ANKFY1: variants seen among roughly 807,000 people sequenced by gnomAD.
The protein encoded by ANKFY1 is ankyrin repeat and FYVE domain containing 1.
ANKFY1 carries 47 observed loss-of-function variants against 128.3 expected under a neutral mutation model. The ratio of observed to expected loss-of-function variants is 0.37; its 90% CI spans 0.29 to 0.47. ANKFY1 has a LOEUF of 0.47. ANKFY1 is among the 20% of genes least tolerant of loss of function. The pLI is 1.00. For synonymous variants in ANKFY1, 553 were observed against 601.6 expected (o/e 0.92, Z 1.18); for missense variants, 1,222 against 1,510.6 (o/e 0.81, Z 3.17).
At chr17:4,198,116 C>T (rs966186548) in intron 7 of ANKFY1, among the ~76,000 whole-genome samples, 54 of 147,822 alleles carry the variant, frequency 3.7e-4, no homozygotes, top group African/African-American at 1.3e-3. Flanking sequence ...GGATTAAGAG[C>T]AAAACTCCGT....
At chr17:4,195,991 C>CA (rs1567932432) in intron 8 of ANKFY1, among the ~76,000 whole-genome samples, 10 of 133,054 alleles carry the variant, frequency 7.5e-5, no homozygotes, top group African/African-American at 2.6e-4. Flanking sequence ...ACACACACAC[C>CA]CCCGAGTCAG....
At position 4,178,614 on chromosome 17, in the gene ANKFY1, T is replaced by G; in HGVS notation, c.2598+243A>C. Reference sequence around the variant, plus strand: ...TGTACATGCCACAGAATTCCTACGATGGAGCCCACTGCCTCCGCTTCCATC... The same window carrying G: ...TGTACATGCCACAGAATTCCTACGAGGGAGCCCACTGCCTCCGCTTCCATC... On this transcript the variant is annotated intron_variant, in intron 18 of 24. Transcript: ENST00000341657. The surrounding 1 kb of genome is among the most constrained non-coding windows in gnomAD (Gnocchi z 4.1). 1.8e-6 allele frequency: 1 copy of G among 560,862 alleles called. No homozygotes were observed. Among genetic ancestry groups the G allele is most frequent in the Non-Finnish European group, 3.2e-6 (1 of 311,852 alleles). The allele number at this position is 560,862 out of a possible 1,614,324, so 34.7% of individuals were successfully genotyped here. A position where few individuals can be genotyped will look rare whatever the true frequency, so the allele number is the denominator to read the frequency against.
At chr17:4,184,700 G>C in intron 12 of ANKFY1, 118 bp downstream of exon 12, 2 of 1,100,152 alleles carry the variant, frequency 1.8e-6, no homozygotes, top group East Asian at 5.0e-5. Flanking sequence ...AGGATTTTTT[G>C]GGGGTAAGAA....
intron 8 of ANKFY1, 76 bp downstream of exon 8, chr17:4,197,297 G>T: frequency 1.3e-6 from 2 of 1,487,622 alleles, no homozygotes; most frequent in Non-Finnish European, 1.9e-6. Flanking sequence ...TGAACTCCCC[G>T]TATGCCAATT....
intron 7 of ANKFY1, among the ~76,000 whole-genome samples, chr17:4,205,570 G>T (rs1255609199): frequency 6.6e-6 from 1 of 152,002 alleles, no homozygotes; most frequent in African/African-American, 2.4e-5. Flanking sequence ...GTGACACCCC[G>T]TCTCTACTAA....
intron 22 of ANKFY1, among the ~76,000 whole-genome samples, chr17:4,171,156 G>A (rs1267843295): frequency 1.3e-5 from 2 of 152,216 alleles, no homozygotes; most frequent in Non-Finnish European, 2.9e-5. Flanking sequence ...TCGCGCAGGT[G>A]GGGAGGGATT....
chr17:4,204,762 G>A (rs1250637600), intron 7 of ANKFY1, among the ~76,000 whole-genome samples: 4 of 151,770 alleles, frequency 2.6e-5, no homozygotes, highest in South Asian at 2.1e-4. Context: ...ACACGAAACA[G>A]TGTGGGAAAG....
intron 3 of ANKFY1, among the ~76,000 whole-genome samples, chr17:4,228,748 T>A (rs370955923): frequency 6.6e-6 from 1 of 152,230 alleles, no homozygotes; most frequent in Non-Finnish European, 1.5e-5. Context: ...ATTGTGGCAG[T>A]GGCTTCACAG....
chr17:4,193,231 G>A (rs929553305), intron 10 of ANKFY1, among the ~76,000 whole-genome samples: 1 of 152,102 alleles, frequency 6.6e-6, no homozygotes, highest in African/African-American at 2.4e-5. Context: ...AACTAGTTCT[G>A]TAAGAGTCTA....
At chr17:4,256,501 CGAGG>C (rs1968135898) in intron 1 of ANKFY1, among the ~76,000 whole-genome samples, 1 of 151,916 alleles carries the variant, frequency 6.6e-6, no homozygotes, top group African/African-American at 2.4e-5. Flanking sequence ...ACTAATGGAA[CGAGG>C]GAGAGAGGAA....
intron 10 of ANKFY1, among the ~76,000 whole-genome samples, chr17:4,190,465 T>C (rs1480744203): frequency 7.2e-5 from 11 of 151,984 alleles, no homozygotes; most frequent in Non-Finnish European, 1.6e-4. Context: ...AAGAAATGTC[T>C]ACAGATGTTG....
intron 1 of ANKFY1, among the ~76,000 whole-genome samples, chr17:4,262,573 T>TAC (rs201812043): frequency 2.7e-4 from 41 of 151,410 alleles, no homozygotes; most frequent in African/African-American, 4.1e-4. Context: ...AGACCTTGTC[T>TAC]ACACACACAC....
Position 4,165,117 on chromosome 17 carries a change from T to C in ANKFY1, c.*2662A>G, listed in dbSNP as rs573383973. On this transcript the variant is annotated 3_prime_UTR_variant, in exon 25 of 25. Transcript: ENST00000341657. ...GGGAAATTTCGGTGTTAGAGGATCA[T>C]AGCAAATTAGTTTAAGCCATTCGAT... 9.2e-5 allele frequency: 14 copies of C among 152,354 alleles called. No homozygotes were observed. The South Asian group carries it at 2.3e-3, about 25-fold the overall frequency. The allele number at this position is 152,354 out of a possible 1,614,324, so 9.4% of individuals were successfully genotyped here. A position where few individuals can be genotyped will look rare whatever the true frequency, so the allele number is the denominator to read the frequency against.
At chr17:4,221,170 T>G (rs2060305054) in intron 3 of ANKFY1, among the ~76,000 whole-genome samples, 1 of 152,242 alleles carries the variant, frequency 6.6e-6, no homozygotes, top group South Asian at 2.1e-4. Context: ...CTGATCTGTA[T>G]GCAATTAACC....
intron 23 of ANKFY1, 70 bp downstream of exon 23, chr17:4,170,645 A>G: frequency 1.3e-6 from 2 of 1,534,064 alleles, no homozygotes; most frequent in Non-Finnish European, 1.8e-6. Flanking sequence ...AAAGATCACC[A>G]ATACAATACA....
chr17:4,199,695 C>T lies in ANKFY1; in HGVS notation c.899-2118G>A, dbSNP rs904280210. Among the ~76,000 whole-genome samples the T allele has an allele frequency of 5.3e-5, 8 of 152,098 alleles. No homozygotes were observed. In the East Asian group the frequency reaches 1.2e-3, roughly 22 times the overall value. On this transcript the variant is annotated intron_variant, in intron 7 of 24. Transcript: ENST00000341657. ...GGTTCTACAAATACATGGTTAAACT[C>T]GGAACTAAGCAATCTGACAAGTGGC... is the stretch of plus-strand genomic sequence containing the variant.
intron 19 of ANKFY1, among the ~76,000 whole-genome samples, chr17:4,176,519 C>T (rs1287413404): frequency 2.6e-5 from 4 of 152,232 alleles, no homozygotes; most frequent in Non-Finnish European, 4.4e-5. Flanking sequence ...GATCTGCTTT[C>T]TTCCTGCCCC....
chr17:4,216,565 T>C (rs2060223752), intron 4 of ANKFY1: 2 of 272,360 alleles, frequency 7.3e-6, no homozygotes, highest in Non-Finnish European at 1.5e-5. Context: ...TTGGACAATA[T>C]TTTCACATAT....
intron 13 of ANKFY1, 34 bp downstream of exon 13, chr17:4,183,778 T>C (rs1466437082): frequency 6.4e-7 from 1 of 1,572,176 alleles, no homozygotes; most frequent in Admixed American, 1.7e-5. Flanking sequence ...CAGCTGTCTG[T>C]CTGCAGACAT....
Sources: gnomAD v4.1 joint callset for allele counts (sites outside exome capture counted in the v4.1 genomes callset) on GRCh38, gnomAD v4.1.1 for gene constraint, Gnocchi (gnomAD v3.1) non-coding constraint, MANE v1.5 for transcripts, NCBI Gene and HGNC (gene_info 2026-07-23, HGNC 2026-07-21) for gene names.